ALS2CL: variants seen among roughly 807,000 people sequenced by gnomAD.
The protein encoded by ALS2CL is ALS2 C-terminal-like protein.
A neutral mutation model predicts 127.9 loss-of-function variants in ALS2CL; 112 were observed. The observed-to-expected ratio is 0.88, with a 90% CI of 0.75 to 1.02. The LOEUF is 1.02. Ranked by LOEUF, ALS2CL falls within the 50% of genes least tolerant of loss-of-function variation. The pLI, the probability that ALS2CL is intolerant of heterozygous loss-of-function variation, is 0.00. For synonymous variants in ALS2CL, 519 were observed against 527.6 expected, an observed-to-expected ratio of 0.98 and a Z score of 0.22; for missense variants, 1,174 against 1,236.7, an observed-to-expected ratio of 0.95 and a Z score of 0.76.
Position 46,683,819 on chromosome 3 carries a change from T to A in ALS2CL, c.875A>T (p.Glu292Val). 1 of 1,614,126 alleles carries A rather than the reference T, an allele frequency of 6.2e-7. No homozygotes were observed. The highest frequency in any genetic ancestry group is 8.5e-7 in the Non-Finnish European group (1 of 1,180,022). Residue 292 changes from glutamate to valine, a missense_variant, in exon 9 of 26, where the codon GAA becomes GTA. Coordinates refer to ENST00000318962, the MANE Select transcript of ALS2CL (RefSeq NM_147129.5). ...GCTFHLLTPE[E>V]EFSFCAKDSQ... ...GTCCTTGGCACAAAAGGAGAACTCT[T>A]CTTCGGGCGTGAGGAGGTGAAACGT...
At chr3:46,680,701 G>C in intron 13 of ALS2CL, 160 bp from the exon 14 acceptor site, 1 of 631,512 alleles carries the variant, frequency 1.6e-6, no homozygotes, top group Non-Finnish European at 2.8e-6. Context: ...GGACCCCCAA[G>C]AGGAATAGAG....
In ALS2CL at chr3:46,676,320, C is replaced by A; in HGVS notation, c.2111G>T (p.Gly704Val). 6.2e-7 allele frequency: 1 copy of A among 1,613,824 alleles called. No homozygotes were observed. Residue 704 changes from glycine to valine, a missense_variant, in exon 19 of 26, where the codon GGG becomes GTG. Coordinates refer to ENST00000318962, the MANE Select transcript of ALS2CL (RefSeq NM_147129.5). ...CAGCTCCTGCAGGTGCTTGTTGGCC[C>A]CGACACCTGCGTAGGTAGCCTGGAA... ...LTFQATYAGV[G>V]ANKHLQELAQ... is the part of the protein sequence containing the mutation.
At chr3:46,680,614 CG>C (rs1360552710) in intron 13 of ALS2CL, 73 bp from the exon 14 acceptor site, 7 of 1,420,868 alleles carry the variant, frequency 4.9e-6, no homozygotes, top group Non-Finnish European at 6.8e-6. Flanking sequence ...TCTGCTGGCA[CG>C]GGGCGGCAGG....
intron 13 of ALS2CL, chr3:46,680,756 C>A: frequency 1.7e-6 from 1 of 578,708 alleles, no homozygotes; most frequent in Non-Finnish European, 3.1e-6. Flanking sequence ...ATCTGGGAGG[C>A]TTCTCCGTGG....
chr3:46,691,849 C>T (rs781002510), intron 1 of ALS2CL, among the ~76,000 whole-genome samples: 2 of 151,846 alleles, frequency 1.3e-5, no homozygotes, highest in East Asian at 1.9e-4. Flanking sequence ...TGAGCCACTG[C>T]GCCCAGCCAA....
In ALS2CL at chr3:46,669,356, G is replaced by A. The variant is rs1473106181; in HGVS notation, c.*1628C>T. On this transcript the variant is annotated 3_prime_UTR_variant, in exon 26 of 26. Coordinates refer to ENST00000318962, the MANE Select transcript of ALS2CL (RefSeq NM_147129.5). The stretch of plus-strand genomic sequence containing the variant: ...CCACTGGTGTTGGGTGAGGCCTAGT[G>A]AGAGGGTGGGCAGAGGGCCTTGTTG... 6.6e-6 allele frequency: 1 copy of A among 152,310 alleles called. No homozygotes were observed. The highest frequency in any genetic ancestry group is 1.5e-5 in the Non-Finnish European group (1 of 68,098). 9.4% of individuals were successfully genotyped at this position (152,310 alleles called of 1,614,324 possible). A position where few individuals can be genotyped will look rare whatever the true frequency, so the allele number is the denominator to read the frequency against.
At chr3:46,677,199 A>C in intron 16 of ALS2CL, 177 bp from the exon 17 acceptor site, 1 of 1,424,566 alleles carries the variant, frequency 7.0e-7, no homozygotes, top group South Asian at 1.5e-5. Flanking sequence ...TCCAGGAGGA[A>C]GAGCAGCAGA....
chr3:46,671,005 C>T lies in ALS2CL; in HGVS notation c.2841G>A (p.Trp947Ter), dbSNP rs1251240108. 6.2e-7 allele frequency: 1 copy of T among 1,614,140 alleles called. No individual in the cohort carries two copies. The highest frequency in any genetic ancestry group is 1.7e-5 in the Admixed American group (1 of 60,028). ...CAGGCTACCAGAGCTCCCTGGAGTG[C>T]CAGTGGCCAGGTAAGCGGTGCAGCC... ...DMRLHRLPGH[W>*]HSRELW Residue 947 changes from tryptophan (W) to a stop codon, truncating the protein, a stop_gained, in exon 26 of 26, where the codon TGG becomes TGA. Coordinates refer to ENST00000318962, the MANE Select transcript of ALS2CL (RefSeq NM_147129.5). LOFTEE classifies it high-confidence loss of function.
chr3:46,671,666 C>G, intron 24 of ALS2CL, 82 bp from the exon 25 acceptor site: 1 of 1,604,520 alleles, frequency 6.2e-7, no homozygotes. Context: ...GGAAGGAGCG[C>G]TGGCCTGGAT....
Position 46,674,755 on chromosome 3 carries a change from G to A in ALS2CL, c.2256-16C>T, listed in dbSNP as rs950242171. ...CTGGAGGTCCCTGATGGGGAGACCG[G>A]AACAGGTTGGGATGAGCAAGGTGGG... On this transcript the variant is annotated splice_polypyrimidine_tract_variant and intron_variant, in intron 20 of 25. Transcript: ENST00000318962. 6.3e-7 allele frequency: 1 copy of A among 1,590,936 alleles called. No homozygotes were observed. Among genetic ancestry groups the A allele is most frequent in the Admixed American group, 1.8e-5 (1 of 56,440 alleles).
rs1215800214 is a variant in ALS2CL, at chr3:46,674,758, C to G, written c.2256-19G>C. 8.2e-6 allele frequency: 13 copies of G among 1,584,814 alleles called. No individual in the cohort carries two copies. The highest frequency in any genetic ancestry group is 1.1e-5 in the Non-Finnish European group (13 of 1,165,332). The stretch of plus-strand genomic sequence containing the variant: ...GAGGTCCCTGATGGGGAGACCGGAA[C>G]AGGTTGGGATGAGCAAGGTGGGGTC... On this transcript the variant is annotated intron_variant, in intron 20 of 25. Transcript: ENST00000318962.
intron 19 of ALS2CL, 194 bp downstream of exon 19, chr3:46,676,051 G>A: frequency 2.2e-6 from 3 of 1,372,874 alleles, no homozygotes; most frequent in Non-Finnish European, 2.9e-6. Flanking sequence ...CTAGCTGAGG[G>A]CTGCAGCTGG....
At chr3:46,679,894 T>G in intron 14 of ALS2CL, 1 of 159,224 alleles carries the variant, frequency 6.3e-6, no homozygotes. Context: ...GAGGCAAACA[T>G]GGGAGTCCCA....
At chr3:46,691,252 T>G (rs1172390643) in intron 1 of ALS2CL, among the ~76,000 whole-genome samples, 2 of 152,164 alleles carry the variant, frequency 1.3e-5, no homozygotes, top group African/African-American at 4.8e-5. Flanking sequence ...CTTTTCACTC[T>G]CAGCTGGCAG....
At chr3:46,687,729 C>G (rs369423580) in intron 3 of ALS2CL, 45 bp from the exon 4 acceptor site, 147 of 1,579,058 alleles carry the variant, frequency 9.3e-5, no homozygotes, top group Non-Finnish European at 1.2e-4. Flanking sequence ...GTCCTCAGCC[C>G]CAGACCTAAG....
intron 9 of ALS2CL, 96 bp from the exon 10 acceptor site, chr3:46,683,422 A>G: frequency 8.2e-7 from 1 of 1,219,982 alleles, no homozygotes. Flanking sequence ...CACCCCCTCC[A>G]CCCTCCACCT....
intron 1 of ALS2CL, chr3:46,693,375 C>CT (rs893851056): frequency 1.3e-5 from 2 of 152,352 alleles, no homozygotes; most frequent in African/African-American, 2.4e-5. Context: ...CTCCTGCTGG[C>CT]TGGGGCCCCG....
chr3:46,685,046 G>A (rs901201967), intron 7 of ALS2CL, among the ~76,000 whole-genome samples: 1 of 152,166 alleles, frequency 6.6e-6, no homozygotes, highest in Admixed American at 6.5e-5. Context: ...GCTCCCTTCT[G>A]ACTTCCACAA....
intron 22 of ALS2CL, 71 bp from the exon 23 acceptor site, chr3:46,672,272 C>T (rs1698466858): frequency 1.3e-6 from 2 of 1,576,200 alleles, no homozygotes; most frequent in Non-Finnish European, 8.7e-7. Flanking sequence ...CTTCCCAGGG[C>T]CGGGCCTGAG....
Sources: gnomAD v4.1 joint callset for allele counts (sites outside exome capture counted in the v4.1 genomes callset) on GRCh38, gnomAD v4.1.1 for gene constraint, MANE v1.5 for transcripts, NCBI Gene and HGNC (gene_info 2026-07-23, HGNC 2026-07-21) for gene names.